The following TRIM66 variants were observed in gnomAD, a reference collection of about 807,000 sequenced individuals.
TRIM66 encodes the protein tripartite motif-containing protein 66.
A neutral mutation model predicts 148.2 loss-of-function variants in TRIM66; 99 were observed. The ratio of observed to expected loss-of-function variants is 0.67; its 90% CI spans 0.57 to 0.79. The LOEUF (loss-of-function observed/expected upper bound fraction) is 0.79, where lower values mean the gene tolerates loss of function less well. Ranked by LOEUF, TRIM66 falls within the 30% of genes least tolerant of loss-of-function variation. The probability of loss-of-function intolerance (pLI) is 0.00; values close to 1 mark genes in which losing one functional copy is unlikely to be tolerated. For missense variants in TRIM66, 1,666 were observed against 1,697.9 expected, an observed-to-expected ratio of 0.98 and a Z score of 0.33; for synonymous variants, 616 against 635.9, an observed-to-expected ratio of 0.97 and a Z score of 0.47.
intron 12 of TRIM66, among the ~76,000 whole-genome samples, 191 bp downstream of exon 12, chr11:8,645,550 A>G (rs931389609): frequency 3.9e-5 from 6 of 152,224 alleles, no homozygotes; most frequent in African/African-American, 1.4e-4. Flanking sequence ...GGGATTTGGT[A>G]AAAGATGGTG....
chr11:8,638,749 CAG>C lies in TRIM66; in HGVS notation c.2213_2214del (p.Ala738GlyfsTer116). On this transcript the variant is annotated frameshift_variant, in exon 15 of 25. Transcript: ENST00000646038. LOFTEE classifies it high-confidence loss of function. ...TCCCCAGACGCCTGGGGCAAGGCAG[CAG>C]CAGTATTCTTGTCAAGAGGGAGAGC... is the stretch of plus-strand genomic sequence containing the variant. The part of the protein sequence containing the change: ...KPALPLDKNT[A>X]AALPQASGEE... 1.9e-6 allele frequency: 3 copies of C among 1,551,032 alleles called. No individual in the cohort carries two copies. Among genetic ancestry groups the C allele is most frequent in the Non-Finnish European group, 2.6e-6 (3 of 1,146,722 alleles).
At chr11:8,681,067 G>C (rs533437086) in intron 1 of TRIM66, among the ~76,000 whole-genome samples, 177 of 152,284 alleles carry the variant, frequency 1.2e-3, no homozygotes, top group African/African-American at 4.1e-3. Context: ...GTGCAAATGG[G>C]CAGGATTTGT....
At chr11:8,675,303 T>C (rs1259450351) in intron 3 of TRIM66, among the ~76,000 whole-genome samples, 2 of 152,256 alleles carry the variant, frequency 1.3e-5, no homozygotes, top group Admixed American at 1.3e-4. Flanking sequence ...TTGAATTTTA[T>C]CATTGGCAAC....
At chr11:8,660,164 T>C (rs938152153) in intron 6 of TRIM66, among the ~76,000 whole-genome samples, 1 of 152,214 alleles carries the variant, frequency 6.6e-6, no homozygotes, top group African/African-American at 2.4e-5. Flanking sequence ...GGCTCCCCAC[T>C]GTCCACAGAA....
Position 8,646,533 on chromosome 11 carries a change from T to A in TRIM66, c.871A>T (p.Lys291Ter), listed in dbSNP as rs1216605318. Residue 291 changes from lysine (K) to a stop codon, truncating the protein, a stop_gained, in exon 11 of 25, where the codon AAG (lysine) becomes TAG (stop). Transcript: ENST00000646038. LOFTEE classifies it high-confidence loss of function. ...RIFEVKHQHRKVENQIKMAKM... is the reference protein window; with the variant it reads ...RIFEVKHQHR ...GCCATTTTGATCTGGTTTTCCACCTTCCTATGCTGATGCTTCACTTCAAAA... is the reference window on the plus strand; with the variant it reads ...GCCATTTTGATCTGGTTTTCCACCTACCTATGCTGATGCTTCACTTCAAAA... 6.4e-7 allele frequency: 1 copy of A among 1,551,974 alleles called. No individual in the cohort carries two copies. The highest frequency in any genetic ancestry group is 8.7e-7 in the Non-Finnish European group (1 of 1,147,036).
rs536978067 is a variant in TRIM66 at position 8,640,456 on chromosome 11, C to T, written c.1919G>A (p.Ser640Asn). The T allele has an allele frequency of 1.9e-6, 3 of 1,549,770 alleles. No homozygotes were observed. In the Admixed American group the frequency reaches 5.9e-5, roughly 31 times the overall value. ...SQHLASSQHESPPGPACSQNM... is the reference protein window; with the variant it reads ...SQHLASSQHENPPGPACSQNM... Reference sequence around the variant, plus strand: ...CTGAGAACAGGCAGGGCCAGGAGGGCTCTCGTGCTGACTAGAAGCCAGATG... The same window carrying T: ...CTGAGAACAGGCAGGGCCAGGAGGGTTCTCGTGCTGACTAGAAGCCAGATG... The change falls in exon 14 of 25, where the codon AGC (serine) becomes AAC (asparagine). Residue 640 changes from serine (S) to asparagine (N), a missense_variant. This residue lies in a region of TRIM66 where 1,431 missense variants were observed against 1,412.4 expected (regional missense o/e 1.01). Coordinates refer to ENST00000646038, the MANE Select transcript of TRIM66 (RefSeq NM_001388022.1).
At chr11:8,654,370 C>G (rs1268392200) in intron 6 of TRIM66, 1 of 152,226 alleles carries the variant, frequency 6.6e-6, no homozygotes, top group East Asian at 1.9e-4. Flanking sequence ...GCTGTTTCCT[C>G]TTCCTGAAAT....
intron 13 of TRIM66, 92 bp downstream of exon 13, chr11:8,642,917 C>A: frequency 8.9e-5 from 41 of 458,598 alleles, no homozygotes; most frequent in East Asian, 1.8e-4. Flanking sequence ...AGAGTGCTTT[C>A]TCTTGGGCAT....
At chr11:8,620,982 G>A in intron 20 of TRIM66, 50 bp downstream of exon 20, 2 of 1,522,168 alleles carry the variant, frequency 1.3e-6, no homozygotes, top group Non-Finnish European at 1.8e-6. Context: ...AATCATCCCT[G>A]GAAGGTAACC....
At chr11:8,645,916 G>A in intron 11 of TRIM66, 29 bp from the exon 12 acceptor site, 14 of 1,549,184 alleles carry the variant, frequency 9.0e-6, no homozygotes, top group Non-Finnish European at 1.2e-5. Flanking sequence ...CAGAGTCCTT[G>A]ATCCTGTTAC....
intron 15 of TRIM66, among the ~76,000 whole-genome samples, chr11:8,631,401 T>C (rs1337618446): frequency 6.6e-6 from 1 of 152,204 alleles, no homozygotes; most frequent in East Asian, 1.9e-4. Context: ...CCTCTTTCAA[T>C]AACAAAATGC....
intron 23 of TRIM66, 90 bp downstream of exon 23, chr11:8,619,293 C>T: frequency 7.1e-7 from 1 of 1,410,042 alleles, no homozygotes. Context: ...CATGGCAGCC[C>T]AGACCAAACC....
intron 3 of TRIM66, among the ~76,000 whole-genome samples, chr11:8,675,476 A>G (rs2039133857): frequency 1.3e-5 from 2 of 152,012 alleles, no homozygotes; most frequent in Non-Finnish European, 2.9e-5. Flanking sequence ...TCCACCTCCC[A>G]GGTTCAAGTG....
intron 15 of TRIM66, among the ~76,000 whole-genome samples, chr11:8,632,179 G>A (rs1027211124): frequency 2.0e-5 from 3 of 152,100 alleles, no homozygotes; most frequent in Admixed American, 1.3e-4. Flanking sequence ...GTGGTGGCAT[G>A]CGCCTGCAGT....
chr11:8,682,738 G>T, upstream of TRIM66: 1 of 1,589,524 alleles, frequency 6.3e-7, no homozygotes, highest in South Asian at 1.1e-5. Context: ...CGGAAGTGAG[G>T]CGTTTTGCCC....
At chr11:8,638,094 C>A (rs949046722) in intron 15 of TRIM66, among the ~76,000 whole-genome samples, 7 of 152,202 alleles carry the variant, frequency 4.6e-5, no homozygotes, top group African/African-American at 1.7e-4. Context: ...CCCTGCAGAT[C>A]ACTCACCCAA....
Position 8,616,296 on chromosome 11 carries a change from CAAAG to C in TRIM66, c.*1644_*1647del, listed in dbSNP as rs2033716231. 6.6e-6 allele frequency: 1 copy of C among 152,230 alleles called. No individual in the cohort carries two copies. The highest frequency in any genetic ancestry group is 1.5e-5 in the Non-Finnish European group (1 of 68,048). The allele number at this position is 152,230 out of a possible 1,614,324, so 9.4% of individuals were successfully genotyped here. A position where few individuals can be genotyped will look rare whatever the true frequency, so the allele number is the denominator to read the frequency against. On this transcript the variant is annotated 3_prime_UTR_variant, in exon 25 of 25. Transcript: ENST00000646038. ...GGAAATGAGCAATACCATCAACTCA[CAAAG>C]AGAGAAGAAATGTTTTCTAATTAAA...
At position 8,646,540 on chromosome 11, in the gene TRIM66, C is replaced by G. The variant is rs1485889704; in HGVS notation, c.864G>C (p.Gln288His). 4 of 1,551,758 alleles carry G rather than the reference C, an allele frequency of 2.6e-6. No homozygotes were observed. Among genetic ancestry groups the G allele is most frequent in the Non-Finnish European group, 2.6e-6 (3 of 1,147,030 alleles). The change falls in exon 11 of 25, where the codon CAG (glutamine) becomes CAC (histidine). Residue 288 changes from glutamine to histidine, a missense_variant. By Grantham distance (24) the Gln-to-His change is conservative. Transcript: ENST00000646038. ...IEDRIFEVKHQHRKVENQIKM... is the reference protein window; with the variant it reads ...IEDRIFEVKHHHRKVENQIKM... ...TGATCTGGTTTTCCACCTTCCTATG[C>G]TGATGCTTCACTTCAAAAATCCTGT...
chr11:8,635,548 T>C (rs2035800840), intron 15 of TRIM66, among the ~76,000 whole-genome samples: 1 of 152,152 alleles, frequency 6.6e-6, no homozygotes, highest in African/African-American at 2.4e-5. Context: ...AGGGTTGATC[T>C]CTCTCTGCCA....
Sources: allele counts gnomAD v4.1 joint callset (sites outside exome capture counted in the v4.1 genomes callset), GRCh38; gene constraint gnomAD v4.1.1; regional missense constraint gnomAD v4.1.1; transcripts MANE v1.5; gene names NCBI Gene and HGNC (gene_info 2026-07-23, HGNC 2026-07-21).